The following NELL1 variants were observed in gnomAD, a reference collection of about 807,000 sequenced individuals.
NELL1 encodes the protein protein kinase C-binding protein NELL1.
A neutral mutation model predicts 107.4 loss-of-function variants in NELL1; 76 were observed. The ratio of observed to expected loss-of-function variants is 0.71; its 90% CI spans 0.59 to 0.86. The LOEUF (loss-of-function observed/expected upper bound fraction) is 0.86, where lower values mean the gene tolerates loss of function less well. Ranked by LOEUF, NELL1 falls within the 40% of genes least tolerant of loss-of-function variation. NELL1 has a pLI of 0.00. For missense variants in NELL1, 1,024 were observed against 1,005.5 expected, an observed-to-expected ratio of 1.02 and a Z score of -0.25; for synonymous variants, 353 against 341.2, an observed-to-expected ratio of 1.03 and a Z score of -0.38.
At chr11:21,241,904 A>ATTTTTTTTTTT in intron 14 of NELL1, among the ~76,000 whole-genome samples, 1 of 134,136 alleles carries the variant, frequency 7.5e-6, no homozygotes, top group Admixed American at 7.5e-5. Flanking sequence ...GTCTGTTTCT[A>ATTTTTTTTTTT]TTTTTTTTTT....
chr11:21,235,216 G>A (rs552537527), intron 14 of NELL1, among the ~76,000 whole-genome samples: 1 of 152,206 alleles, frequency 6.6e-6, no homozygotes, highest in Non-Finnish European at 1.5e-5. Context: ...CTGATATCAG[G>A]GGATGGTTTG....
intron 14 of NELL1, among the ~76,000 whole-genome samples, chr11:21,244,140 T>C (rs1465796842): frequency 6.6e-6 from 1 of 152,154 alleles, no homozygotes; most frequent in South Asian, 2.1e-4. Flanking sequence ...ATGAGTAACA[T>C]TCATTAAACT....
At chr11:20,734,910 C>A (rs1855726272) in intron 2 of NELL1, among the ~76,000 whole-genome samples, 1 of 152,076 alleles carries the variant, frequency 6.6e-6, no homozygotes, top group Non-Finnish European at 1.5e-5. Flanking sequence ...TCAGGCTTCT[C>A]CCTAGAATTA....
intron 14 of NELL1, among the ~76,000 whole-genome samples, chr11:21,338,775 G>A (rs969822725): frequency 2.0e-5 from 3 of 152,104 alleles, no homozygotes; most frequent in African/African-American, 7.2e-5. Context: ...TGAGCAAAAT[G>A]TTTATAAAGC....
At chr11:20,798,729 G>C (rs1857223701) in intron 3 of NELL1, among the ~76,000 whole-genome samples, 1 of 152,204 alleles carries the variant, frequency 6.6e-6, no homozygotes, top group African/African-American at 2.4e-5. Context: ...TTCTGGGCCA[G>C]GAGTCAGAAG....
intron 12 of NELL1, among the ~76,000 whole-genome samples, chr11:20,993,100 T>C (rs892930077): frequency 8.5e-5 from 13 of 152,198 alleles, no homozygotes; most frequent in Admixed American, 7.9e-4. Context: ...AATGCCATCC[T>C]TACTTTGTAT....
intron 17 of NELL1, among the ~76,000 whole-genome samples, chr11:21,569,407 C>T (rs1476529603): frequency 1.3e-5 from 2 of 151,754 alleles, no homozygotes; most frequent in Non-Finnish European, 2.9e-5. Context: ...CATGTAAATG[C>T]CTCTGCACAA....
At chr11:21,192,923 T>C (rs1329495861) in intron 13 of NELL1, among the ~76,000 whole-genome samples, 1 of 151,852 alleles carries the variant, frequency 6.6e-6, no homozygotes, top group Non-Finnish European at 1.5e-5. Flanking sequence ...AAGGCGGACA[T>C]CGTGGAGTCT....
chr11:20,752,758 T>A (rs1285022741), intron 2 of NELL1, among the ~76,000 whole-genome samples: 2 of 152,220 alleles, frequency 1.3e-5, no homozygotes, highest in Non-Finnish European at 2.9e-5. Context: ...TTTGAGAATT[T>A]TCTCTGTAAA....
At chr11:21,189,831 A>T (rs1397445983) in intron 13 of NELL1, among the ~76,000 whole-genome samples, 3 of 151,882 alleles carry the variant, frequency 2.0e-5, no homozygotes, top group African/African-American at 7.3e-5. Context: ...TGTTGTAACT[A>T]TTGAAATGTA....
At chr11:20,964,957 A>G (rs1029624048) in intron 12 of NELL1, among the ~76,000 whole-genome samples, 5 of 152,044 alleles carry the variant, frequency 3.3e-5, no homozygotes, top group African/African-American at 1.2e-4. Context: ...CTTGTATGCC[A>G]CTGACATTGG....
chr11:20,849,826 C>T (rs61880418), intron 4 of NELL1, among the ~76,000 whole-genome samples: 13,489 of 152,186 alleles, frequency 0.089, 709 homozygotes, highest in South Asian at 0.13. Flanking sequence ...CAAAATCTGA[C>T]TATACCTAAG....
intron 15 of NELL1, among the ~76,000 whole-genome samples, chr11:21,515,384 A>G (rs1396595702): frequency 1.3e-5 from 2 of 152,178 alleles, no homozygotes; most frequent in Non-Finnish European, 2.9e-5. Flanking sequence ...ATCAACTAGA[A>G]TCAAATCCCA....
chr11:21,187,586 G>A (rs1205712833), intron 13 of NELL1, among the ~76,000 whole-genome samples: 1 of 151,684 alleles, frequency 6.6e-6, no homozygotes, highest in Non-Finnish European at 1.5e-5. Flanking sequence ...CAGTGTCTCT[G>A]GGCAAGGGTG....
chr11:21,509,695 C>T (rs1459652002), intron 15 of NELL1, among the ~76,000 whole-genome samples: 1 of 152,088 alleles, frequency 6.6e-6, no homozygotes, highest in African/African-American at 2.4e-5. Flanking sequence ...AGTCAAAATA[C>T]TGGCTAATTC....
intron 12 of NELL1, among the ~76,000 whole-genome samples, chr11:20,965,763 G>A (rs1483413957): frequency 6.6e-6 from 1 of 152,132 alleles, no homozygotes; most frequent in Non-Finnish European, 1.5e-5. Context: ...CTGACCCTTA[G>A]AATGGTAAGA....
intron 12 of NELL1, among the ~76,000 whole-genome samples, chr11:20,983,170 G>A (rs1008080341): frequency 2.0e-5 from 3 of 152,084 alleles, no homozygotes; most frequent in Admixed American, 2.0e-4. Flanking sequence ...ATCCTCAATA[G>A]CATTCTAAAC....
intron 15 of NELL1, among the ~76,000 whole-genome samples, chr11:21,526,527 T>G (rs1351662030): frequency 1.3e-5 from 2 of 152,150 alleles, no homozygotes; most frequent in Non-Finnish European, 2.9e-5. Flanking sequence ...CAATCCCACA[T>G]TTTCCTTTTT....
chr11:21,087,061 G>C (rs1352044950), intron 12 of NELL1, among the ~76,000 whole-genome samples: 1 of 152,012 alleles, frequency 6.6e-6, no homozygotes, highest in Non-Finnish European at 1.5e-5. Context: ...GGATGGTCTC[G>C]ATCTCCTGAC....
Sources: allele counts gnomAD v4.1 joint callset (sites outside exome capture counted in the v4.1 genomes callset), GRCh38; gene constraint gnomAD v4.1.1; transcripts MANE v1.5; gene names NCBI Gene and HGNC (gene_info 2026-07-23, HGNC 2026-07-21).